The following LRRC63 variants were observed in gnomAD, a reference collection of about 807,000 sequenced individuals.
LRRC63 encodes leucine-rich repeat-containing protein 63.
A neutral mutation model predicts 49.5 loss-of-function variants in LRRC63; 40 were observed. That is an observed-to-expected ratio of 0.81 (90% CI 0.63 to 1.05). LRRC63 has a LOEUF of 1.05. Among genes scored for constraint, LRRC63 ranks in the 50% least tolerant of loss-of-function variants. The pLI, the probability that LRRC63 is intolerant of heterozygous loss-of-function variation, is 0.00. For missense variants in LRRC63, 636 were observed against 663.1 expected (o/e 0.96, Z 0.45); for synonymous variants, 191 against 221.1 (o/e 0.86, Z 1.21).
intron 2 of LRRC63, among the ~76,000 whole-genome samples, chr13:46,215,544 G>T (rs547679236): frequency 6.6e-6 from 1 of 152,062 alleles, no homozygotes; most frequent in East Asian, 1.9e-4. Context: ...GATTGCAGAA[G>T]TTTTCTCCCA....
chr13:46,254,986 C>T (rs144596987), intron 7 of LRRC63, among the ~76,000 whole-genome samples: 12 of 152,102 alleles, frequency 7.9e-5, no homozygotes, highest in African/African-American at 2.9e-4. Context: ...TGTTTTTATT[C>T]GCAATAATCA....
intron 5 of LRRC63, among the ~76,000 whole-genome samples, chr13:46,239,958 A>G (rs575214303): frequency 9.2e-5 from 14 of 152,276 alleles, no homozygotes; most frequent in Middle Eastern, 3.4e-3. Context: ...ACATCACTAC[A>G]TGTTAAACAC....
chr13:46,255,374 G>A (rs2047483334), intron 7 of LRRC63, among the ~76,000 whole-genome samples: 1 of 152,044 alleles, frequency 6.6e-6, no homozygotes, highest in African/African-American at 2.4e-5. Context: ...GCATAATACT[G>A]TAATTGTAAT....
intron 9 of LRRC63, among the ~76,000 whole-genome samples, chr13:46,269,802 T>C (rs986553546): frequency 6.8e-6 from 1 of 147,890 alleles, no homozygotes; most frequent in South Asian, 2.1e-4. Flanking sequence ...ATATATATTA[T>C]ATATATATAG....
chr13:46,246,063 G>A (rs931158219), intron 5 of LRRC63, among the ~76,000 whole-genome samples: 4 of 152,098 alleles, frequency 2.6e-5, no homozygotes, highest in African/African-American at 7.2e-5. Flanking sequence ...TAGCAAGCGA[G>A]TTCTCATGAG....
In LRRC63 at chr13:46,215,424, T is replaced by G. The variant is rs180691529; in HGVS notation, c.85+2305T>G. On this transcript the variant is annotated intron_variant, in intron 2 of 9. Transcript: ENST00000595396. ...TGTAAATGTCTTCTTTTAAGAAGTG[T>G]CTGTTCATATCCTTCACCCACTTTT... Among the ~76,000 whole-genome samples the G allele has an allele frequency of 1.5e-4, 23 of 152,146 alleles. No homozygotes were observed. The East Asian group carries it at 4.4e-3, about 29-fold the overall frequency.
At chr13:46,238,771 C>A (rs2046974793) in intron 5 of LRRC63, among the ~76,000 whole-genome samples, 1 of 152,080 alleles carries the variant, frequency 6.6e-6, no homozygotes, top group Non-Finnish European at 1.5e-5. Flanking sequence ...ATATCAATAA[C>A]CAAAATTATA....
chr13:46,251,258 T>C (rs1333033372), intron 7 of LRRC63, among the ~76,000 whole-genome samples: 1 of 151,866 alleles, frequency 6.6e-6, no homozygotes, highest in Non-Finnish European at 1.5e-5. Context: ...TTGTAATTAA[T>C]GATCTAAAAA....
rs189972057 is a variant in LRRC63 at position 46,219,793 on chromosome 13, C to T, written c.85+6674C>T. 2.6e-5 allele frequency among the ~76,000 whole-genome samples: 4 copies of T among 152,280 alleles called. No homozygotes were observed. In the East Asian group the frequency reaches 7.7e-4, roughly 29 times the overall value. On this transcript the variant is annotated intron_variant, in intron 2 of 9. Coordinates refer to ENST00000595396, the Ensembl canonical transcript of LRRC63. ...CCTTCGGATGGGGTTTCTGTGTGGA[C>T]ATCTTTTTGTTGATGTTGATGCTAT...
At chr13:46,222,739 C>T (rs911138812) in intron 2 of LRRC63, among the ~76,000 whole-genome samples, 6 of 151,742 alleles carry the variant, frequency 4.0e-5, no homozygotes, top group African/African-American at 1.5e-4. Flanking sequence ...ATAAATCATG[C>T]TGCTATAAAG....
At chr13:46,237,726 G>T (rs891283650) in intron 5 of LRRC63, among the ~76,000 whole-genome samples, 1 of 151,896 alleles carries the variant, frequency 6.6e-6, no homozygotes, top group African/African-American at 2.4e-5. Flanking sequence ...GAGAGAGAAT[G>T]TACAAATAAC....
In LRRC63 at chr13:46,226,262, G is replaced by A. The variant is rs142669036; in HGVS notation, c.86-1250G>A. On this transcript the variant is annotated intron_variant, in intron 2 of 9. Transcript: ENST00000595396. ...GCATCCCAAAGTGCTGGGATTACAG[G>A]CATGAGCTACTGTGCCTGGCCCTAC... 7.1e-3 allele frequency among the ~76,000 whole-genome samples: 1,077 copies of A among 152,240 alleles called. 6 individuals carry two copies. The highest frequency in any genetic ancestry group is 0.012 in the Non-Finnish European group (820 of 67,998).
At chr13:46,247,854 C>T (rs1313446015) in intron 6 of LRRC63, among the ~76,000 whole-genome samples, 1 of 152,002 alleles carries the variant, frequency 6.6e-6, no homozygotes, top group Non-Finnish European at 1.5e-5. Flanking sequence ...ATTAATATAG[C>T]AAACTCTATA....
chr13:46,258,124 C>CTTT (rs61630248), intron 7 of LRRC63, among the ~76,000 whole-genome samples: 77 of 100,548 alleles, frequency 7.7e-4, no homozygotes, highest in African/African-American at 2.2e-3. Context: ...GTGACCTACT[C>CTTT]TTTTTTTTTT....
At chr13:46,252,351 A>G (rs916613777) in intron 7 of LRRC63, among the ~76,000 whole-genome samples, 1 of 152,006 alleles carries the variant, frequency 6.6e-6, no homozygotes, top group Non-Finnish European at 1.5e-5. Flanking sequence ...GAACCAAACC[A>G]TTATGTAATA....
chr13:46,236,839 A>G (rs2046917729), intron 5 of LRRC63, among the ~76,000 whole-genome samples: 1 of 152,194 alleles, frequency 6.6e-6, no homozygotes, highest in African/African-American at 2.4e-5. Context: ...TAAAAGACAA[A>G]TGTGTAAACA....
chr13:46,268,599 G>GA (rs1410685119), intron 9 of LRRC63, among the ~76,000 whole-genome samples: 1 of 151,452 alleles, frequency 6.6e-6, no homozygotes, highest in African/African-American at 2.4e-5. Context: ...ACCAGTGACT[G>GA]AAAAAAAATA....
At position 46,223,486 on chromosome 13, in the gene LRRC63, T is replaced by G. The variant is rs1057297857; in HGVS notation, c.86-4026T>G. Among the ~76,000 whole-genome samples, 39 of 143,446 alleles carry G rather than the reference T, an allele frequency of 2.7e-4. 1 individual carries two copies. In the East Asian group the frequency reaches 7.2e-3, roughly 27 times the overall value. The allele number at this position is 143,446 out of a possible 152,430, so 94.1% of individuals were successfully genotyped here. On this transcript the variant is annotated intron_variant, in intron 2 of 9. Coordinates refer to ENST00000595396, the Ensembl canonical transcript of LRRC63. Reference sequence around the variant, plus strand: ...CTTCTTGGCTGACAGTTTTTTTTGTTTTTTTTTTTTTTTAATTTCAGCACT... The same window carrying G: ...CTTCTTGGCTGACAGTTTTTTTTGTGTTTTTTTTTTTTTAATTTCAGCACT...
At chr13:46,254,376 A>G (rs2047457813) in intron 7 of LRRC63, among the ~76,000 whole-genome samples, 1 of 152,172 alleles carries the variant, frequency 6.6e-6, no homozygotes, top group Non-Finnish European at 1.5e-5. Context: ...AAGATGTGGA[A>G]GGATGACAGA....
Sources: allele counts gnomAD v4.1 joint callset (sites outside exome capture counted in the v4.1 genomes callset), GRCh38; gene constraint gnomAD v4.1.1; transcripts MANE v1.5; gene names NCBI Gene and HGNC (gene_info 2026-07-23, HGNC 2026-07-21).